The following CNTNAP2 variants were observed in gnomAD, a reference collection of about 807,000 sequenced individuals.
The protein encoded by CNTNAP2 is contactin associated protein 2.
CNTNAP2 carries 98 observed loss-of-function variants against 155.2 expected under a neutral mutation model. The ratio of observed to expected loss-of-function variants is 0.63; its 90% CI spans 0.54 to 0.75. The LOEUF (loss-of-function observed/expected upper bound fraction) is 0.75, where lower values mean the gene tolerates loss of function less well. Among genes scored for constraint, CNTNAP2 ranks in the 30% least tolerant of loss-of-function variants. The pLI is 0.00. For synonymous variants in CNTNAP2, 651 were observed against 631.2 expected, an observed-to-expected ratio of 1.03 and a Z score of -0.47; for missense variants, 1,727 against 1,688.1, an observed-to-expected ratio of 1.02 and a Z score of -0.40.
At chr7:147,124,876 C>CTTTTTTTTTTTTTT (rs371912854) in intron 6 of CNTNAP2, among the ~76,000 whole-genome samples, 2 of 80,080 alleles carry the variant, frequency 2.5e-5, no homozygotes, top group African/African-American at 5.7e-5. Context: ...CCTTTTTTTC[C>CTTTTTTTTTTTTTT]TTTTTTTTTT....
intron 11 of CNTNAP2, among the ~76,000 whole-genome samples, chr7:147,520,423 A>G (rs1799211529): frequency 6.6e-6 from 1 of 152,156 alleles, no homozygotes. Context: ...ATTGCCCTGT[A>G]AGTATTATGC....
intron 2 of CNTNAP2, among the ~76,000 whole-genome samples, chr7:146,797,292 A>G (rs537607421): frequency 6.6e-6 from 1 of 152,326 alleles, no homozygotes; most frequent in African/African-American, 2.4e-5. Flanking sequence ...GCATGTGTGC[A>G]AAGCATTGAA....
At chr7:148,056,721 T>C (rs575543576) in intron 15 of CNTNAP2, 3 of 152,324 alleles carry the variant, frequency 2.0e-5, no homozygotes, top group East Asian at 1.9e-4. Flanking sequence ...TTTTGTACAA[T>C]ATATATCCTA....
intron 1 of CNTNAP2, among the ~76,000 whole-genome samples, chr7:146,467,340 C>G (rs769806280): frequency 2.0e-5 from 3 of 151,970 alleles, no homozygotes; most frequent in Non-Finnish European, 4.4e-5. Context: ...ATTTCAGTAT[C>G]TCTAAGTAAT....
chr7:147,619,535 G>A (rs1000346651), intron 12 of CNTNAP2, among the ~76,000 whole-genome samples: 9 of 152,180 alleles, frequency 5.9e-5, no homozygotes, highest in African/African-American at 1.4e-4. Context: ...ATTGGAGATA[G>A]GCTAGCAATA....
chr7:146,157,168 G>A (rs1213345803), intron 1 of CNTNAP2, among the ~76,000 whole-genome samples: 1 of 151,852 alleles, frequency 6.6e-6, no homozygotes, highest in East Asian at 1.9e-4. Context: ...TGGCAGAAAT[G>A]GAATTTCCAA....
chr7:146,449,527 A>T (rs1796447607), intron 1 of CNTNAP2, among the ~76,000 whole-genome samples: 1 of 152,128 alleles, frequency 6.6e-6, no homozygotes, highest in Non-Finnish European at 1.5e-5. Context: ...TGGATGTTTC[A>T]TCTACAGTAT....
chr7:146,234,772 G>T (rs1799444003), intron 1 of CNTNAP2, among the ~76,000 whole-genome samples: 1 of 152,138 alleles, frequency 6.6e-6, no homozygotes, highest in Non-Finnish European at 1.5e-5. Context: ...TTTGCACAGA[G>T]TATTCTGAAA....
intron 9 of CNTNAP2, among the ~76,000 whole-genome samples, chr7:147,322,189 A>G (rs1795364322): frequency 1.3e-5 from 2 of 152,174 alleles, no homozygotes; most frequent in Non-Finnish European, 2.9e-5. Context: ...AATCTCATAC[A>G]ATGTTTACGC....
At chr7:146,976,265 C>G (rs528897027) in intron 3 of CNTNAP2, among the ~76,000 whole-genome samples, 1 of 152,250 alleles carries the variant, frequency 6.6e-6, no homozygotes, top group African/African-American at 2.4e-5. Context: ...AGTAAGCAAC[C>G]AGTTCTGCAG....
intron 13 of CNTNAP2, among the ~76,000 whole-genome samples, chr7:147,790,670 A>G (rs796534630): frequency 1.7e-4 from 26 of 152,374 alleles, no homozygotes; most frequent in African/African-American, 6.3e-4. Context: ...AATATTCGCC[A>G]TCATTTCTCT....
chr7:147,520,007 G>T (rs571308652), intron 11 of CNTNAP2, among the ~76,000 whole-genome samples: 1 of 152,120 alleles, frequency 6.6e-6, no homozygotes, highest in Admixed American at 6.5e-5. Context: ...TGGAGGGAGC[G>T]TTTCTTTGAT....
chr7:146,506,213 G>C (rs1245344816), intron 1 of CNTNAP2, among the ~76,000 whole-genome samples: 4 of 152,136 alleles, frequency 2.6e-5, no homozygotes, highest in Non-Finnish European at 5.9e-5. Context: ...ACAGCTGTCA[G>C]CACATGCATA....
chr7:147,244,849 C>T (rs1804021262), intron 8 of CNTNAP2, among the ~76,000 whole-genome samples: 1 of 152,112 alleles, frequency 6.6e-6, no homozygotes, highest in Admixed American at 6.5e-5. Flanking sequence ...AGACTGTTTT[C>T]TCATATAGAA....
At chr7:147,449,616 A>C (rs1474975778) in intron 10 of CNTNAP2, among the ~76,000 whole-genome samples, 1 of 152,214 alleles carries the variant, frequency 6.6e-6, no homozygotes, top group Non-Finnish European at 1.5e-5. Flanking sequence ...GGACATAGAC[A>C]ATAAAGCTTT....
chr7:146,808,234 C>A (rs186875647), intron 2 of CNTNAP2, among the ~76,000 whole-genome samples: 1 of 152,038 alleles, frequency 6.6e-6, no homozygotes, highest in Admixed American at 6.5e-5. Context: ...AAAATTAAAC[C>A]CCAAAGACAA....
chr7:146,957,024 C>G (rs1025918120), intron 3 of CNTNAP2, among the ~76,000 whole-genome samples: 19 of 152,126 alleles, frequency 1.2e-4, no homozygotes, highest in African/African-American at 4.1e-4. Context: ...CATGAACAGT[C>G]ATGTGTTTCT....
At chr7:146,775,559 GAAGGGAGGGAAGGAGA>G (rs1298863858) in intron 2 of CNTNAP2, among the ~76,000 whole-genome samples, 2 of 151,132 alleles carry the variant, frequency 1.3e-5, no homozygotes, top group South Asian at 2.1e-4. Context: ...AGAAAGGGAA[GAAGGGAGGGAAGGAGA>G]AAGGGAGGGA....
intron 8 of CNTNAP2, among the ~76,000 whole-genome samples, chr7:147,216,097 T>C (rs1803262723): frequency 6.6e-6 from 1 of 151,948 alleles, no homozygotes; most frequent in Non-Finnish European, 1.5e-5. Flanking sequence ...GTTTATCTGG[T>C]ATGTGTTTTG....
Sources: gnomAD v4.1 joint callset for allele counts (sites outside exome capture counted in the v4.1 genomes callset) on GRCh38, gnomAD v4.1.1 for gene constraint, MANE v1.5 for transcripts, NCBI Gene and HGNC (gene_info 2026-07-23, HGNC 2026-07-21) for gene names.